RPTOR: variants seen among roughly 807,000 people sequenced by gnomAD.
RPTOR encodes regulatory-associated protein of mTOR.
A neutral mutation model predicts 169.9 loss-of-function variants in RPTOR; 21 were observed. The observed-to-expected ratio is 0.12, with a 90% CI of 0.09 to 0.18. The LOEUF (loss-of-function observed/expected upper bound fraction) is 0.18. Ranked by LOEUF, RPTOR falls within the 10% of genes least tolerant of loss-of-function variation. RPTOR has a pLI of 1.00. For missense variants in RPTOR, 1,133 were observed against 1,855.9 expected (o/e 0.61, Z 7.16); for synonymous variants, 732 against 753.2 (o/e 0.97, Z 0.46).
chr17:80,603,744 A>G (rs1038101114), intron 1 of RPTOR, among the ~76,000 whole-genome samples: 3 of 152,202 alleles, frequency 2.0e-5, no homozygotes, highest in Admixed American at 6.5e-5. Context: ...TTCCCCCAGA[A>G]CAAGGTAGAC....
chr17:80,759,752 A>C (rs1338823977), intron 6 of RPTOR, among the ~76,000 whole-genome samples: 1 of 151,348 alleles, frequency 6.6e-6, no homozygotes, highest in Non-Finnish European at 1.5e-5. Context: ...TTTTAGTTTT[A>C]TTTTTTCATT....
chr17:80,891,655 C>T, intron 17 of RPTOR, 65 bp from the exon 18 acceptor site: 2 of 1,102,080 alleles, frequency 1.8e-6, no homozygotes, highest in Non-Finnish European at 2.7e-6. Context: ...ACTCAAGTCT[C>T]ACTGCTGCTC....
rs548177499 is a variant in RPTOR at position 80,764,542 on chromosome 17, T to G, written c.830+10357T>G. On this transcript the variant is annotated intron_variant, in intron 6 of 33. Transcript: ENST00000306801. Reference sequence around the variant, plus strand: ...TTCCATGGTGTATATGTGCCACATTTTCTTAATCCAGTCTATCATTGTTGG... The same window carrying G: ...TTCCATGGTGTATATGTGCCACATTGTCTTAATCCAGTCTATCATTGTTGG... 8.5e-5 allele frequency among the ~76,000 whole-genome samples: 13 copies of G among 152,132 alleles called. 1 individual carries two copies. The highest frequency in any genetic ancestry group is 8.5e-4 in the Admixed American group (13 of 15,278).
intron 33 of RPTOR, among the ~76,000 whole-genome samples, chr17:80,964,059 A>G (rs2069389294): frequency 6.6e-6 from 1 of 152,032 alleles, no homozygotes; most frequent in African/African-American, 2.4e-5. Context: ...GGGCAGCGCC[A>G]CGCCCCTCAC....
At chr17:80,868,822 G>GT (rs777057357) in intron 13 of RPTOR, among the ~76,000 whole-genome samples, 6 of 152,198 alleles carry the variant, frequency 3.9e-5, no homozygotes, top group Non-Finnish European at 7.3e-5. Flanking sequence ...TCTCAAAATA[G>GT]TTAGATTGAG....
chr17:80,914,781 G>A (rs543084790), intron 21 of RPTOR, among the ~76,000 whole-genome samples: 3 of 152,324 alleles, frequency 2.0e-5, no homozygotes, highest in Admixed American at 6.5e-5. Context: ...GGTGCCCCTC[G>A]GCACAATCAG....
chr17:80,596,746 C>A (rs2065147345), intron 1 of RPTOR, among the ~76,000 whole-genome samples: 1 of 152,048 alleles, frequency 6.6e-6, no homozygotes, highest in Non-Finnish European at 1.5e-5. Context: ...ACACCTTTTT[C>A]TCTTATTTCA....
chr17:80,805,111 G>A (rs947687966), intron 7 of RPTOR: 1 of 151,050 alleles, frequency 6.6e-6, no homozygotes, highest in African/African-American at 2.5e-5. Context: ...TTACAACCAG[G>A]CTAGGAAGTG....
chr17:80,745,028 C>G (rs1053829188), intron 5 of RPTOR, among the ~76,000 whole-genome samples: 1 of 152,254 alleles, frequency 6.6e-6, no homozygotes. Context: ...CTAGACACCT[C>G]TGCTAGAGAC....
intron 6 of RPTOR, among the ~76,000 whole-genome samples, chr17:80,790,111 A>G (rs978282556): frequency 7.2e-5 from 11 of 152,082 alleles, no homozygotes; most frequent in Admixed American, 2.0e-4. Context: ...GGCTGAGGAG[A>G]GCATCTGCAA....
intron 6 of RPTOR, among the ~76,000 whole-genome samples, chr17:80,790,192 C>T (rs1465941696): frequency 6.6e-6 from 1 of 152,198 alleles, no homozygotes; most frequent in African/African-American, 2.4e-5. Flanking sequence ...CCACACGGGG[C>T]ACTTGATGCC....
At chr17:80,817,340 C>T (rs2067334303) in intron 7 of RPTOR, among the ~76,000 whole-genome samples, 1 of 152,126 alleles carries the variant, frequency 6.6e-6, no homozygotes, top group African/African-American at 2.4e-5. Context: ...CTGATGACCT[C>T]ACAGCCCCTT....
At chr17:80,743,202 G>A (rs2066502133) in intron 5 of RPTOR, 10 of 982,382 alleles carry the variant, frequency 1.0e-5, no homozygotes, top group Non-Finnish European at 1.2e-5. Context: ...CCTGAAATTA[G>A]CCAAGGCTCT....
chr17:80,670,855 CA>C (rs974388962), intron 3 of RPTOR, among the ~76,000 whole-genome samples: 45 of 152,218 alleles, frequency 3.0e-4, no homozygotes, highest in African/African-American at 1.0e-3. Context: ...CCGGTAGCCA[CA>C]AGGGTCTCCT....
intron 6 of RPTOR, among the ~76,000 whole-genome samples, chr17:80,787,133 A>G (rs552879371): frequency 6.6e-4 from 100 of 152,240 alleles, no homozygotes; most frequent in African/African-American, 2.4e-3. Context: ...CCCTTTCTAC[A>G]TTGCTACTAT....
chr17:80,878,588 C>T lies in RPTOR; in HGVS notation c.1510-1827C>T, dbSNP rs1001032305. 2.0e-5 allele frequency among the ~76,000 whole-genome samples: 3 copies of T among 152,076 alleles called. No individual in the cohort carries two copies. The highest frequency in any genetic ancestry group is 7.3e-5 in the African/African-American group (3 of 41,378). Reference sequence around the variant, plus strand: ...GTCTCGAACTCCTGACCTTGTGACCCGCCTGTCTCAGCCTCCCAAAGTGCT... The same window carrying T: ...GTCTCGAACTCCTGACCTTGTGACCTGCCTGTCTCAGCCTCCCAAAGTGCT... On this transcript the variant is annotated intron_variant, in intron 13 of 33. Coordinates refer to ENST00000306801, the MANE Select transcript of RPTOR (RefSeq NM_020761.3). This position sits in a 1 kb window ranked among gnomAD's most constrained non-coding sequence, Gnocchi z 4.1.
chr17:80,818,557 GAGGGATGCTGGACTCGGTTCCAC>G (rs1238182369), intron 7 of RPTOR, among the ~76,000 whole-genome samples: 4 of 152,204 alleles, frequency 2.6e-5, no homozygotes, highest in Admixed American at 2.0e-4. Flanking sequence ...CGTGAAAAGT[GAGGGATGCTGGACTCGGTTCCAC>G]CTTGTCACCC....
chr17:80,557,745 T>G (rs2084428769), intron 1 of RPTOR, among the ~76,000 whole-genome samples: 1 of 151,418 alleles, frequency 6.6e-6, no homozygotes, highest in African/African-American at 2.4e-5. Flanking sequence ...GCCAACATGG[T>G]GAAACCCTGT....
chr17:80,890,361 G>A (rs2068305296), intron 17 of RPTOR, among the ~76,000 whole-genome samples: 1 of 152,242 alleles, frequency 6.6e-6, no homozygotes, highest in Admixed American at 6.5e-5. Context: ...TTTGTCGGAG[G>A]CCCCGTCTCG....
Sources: gnomAD v4.1 joint callset for allele counts (sites outside exome capture counted in the v4.1 genomes callset) on GRCh38, gnomAD v4.1.1 for gene constraint, Gnocchi (gnomAD v3.1) non-coding constraint, MANE v1.5 for transcripts, NCBI Gene and HGNC (gene_info 2026-07-23, HGNC 2026-07-21) for gene names.